CLIC5: variants seen among roughly 807,000 people sequenced by gnomAD.
The protein encoded by CLIC5 is chloride intracellular channel protein 5.
A neutral mutation model predicts 24.7 loss-of-function variants in CLIC5; 20 were observed. The ratio of observed to expected loss-of-function variants is 0.81; its 90% CI spans 0.57 to 1.18. The LOEUF is 1.18. Ranked by LOEUF, CLIC5 falls within the 50% of genes most tolerant of loss-of-function variation. CLIC5 has a pLI of 0.00. For missense variants in CLIC5, 341 were observed against 326.1 expected (o/e 1.05, Z -0.35); for synonymous variants, 159 against 135.6 (o/e 1.17, Z -1.20).
At chr6:46,007,362 C>A (rs772089483) in intron 1 of CLIC5, among the ~76,000 whole-genome samples, 10 of 152,224 alleles carry the variant, frequency 6.6e-5, no homozygotes, top group Non-Finnish European at 1.2e-4. Context: ...TGGACACTAA[C>A]CTTTCCAGGG....
Position 45,902,658 on chromosome 6 carries a change from G to A in CLIC5, c.*430C>T. On this transcript the variant is annotated 3_prime_UTR_variant, in exon 6 of 6. Transcript: ENST00000339561. Reference sequence around the variant, plus strand: ...AATGGGGTAATAGATCTCTTTCTAAGAAGGATGAAGATGGCGTTTGTCCTT... The same window carrying A: ...AATGGGGTAATAGATCTCTTTCTAAAAAGGATGAAGATGGCGTTTGTCCTT... The A allele has an allele frequency of 5.8e-6, 1 of 172,600 alleles. No individual in the cohort carries two copies. Among genetic ancestry groups the A allele is most frequent in the Admixed American group, 5.4e-5 (1 of 18,406 alleles). 10.7% of individuals were successfully genotyped at this position (172,600 alleles called of 1,614,324 possible). A position where few individuals can be genotyped will look rare whatever the true frequency, so the allele number is the denominator to read the frequency against.
chr6:46,040,538 G>A (rs1386079430), intron 1 of CLIC5, among the ~76,000 whole-genome samples: 1 of 151,972 alleles, frequency 6.6e-6, no homozygotes, highest in Non-Finnish European at 1.5e-5. Context: ...TGATGTGGTA[G>A]AGGTTGCATT....
chr6:46,073,224 A>G (rs1029301338), intron 1 of CLIC5, among the ~76,000 whole-genome samples: 3 of 152,216 alleles, frequency 2.0e-5, no homozygotes, highest in Non-Finnish European at 4.4e-5. Flanking sequence ...GAGTCCAGCC[A>G]GGCTATCTCA....
At chr6:45,938,853 A>T (rs1011000209) in intron 4 of CLIC5, among the ~76,000 whole-genome samples, 1 of 152,128 alleles carries the variant, frequency 6.6e-6, no homozygotes, top group East Asian at 1.9e-4. Context: ...CTGGGTGTGG[A>T]GTCTGAAAAC....
rs528729201 is a variant in CLIC5 at position 45,902,855 on chromosome 6, G to A, written c.*233C>T. On this transcript the variant is annotated 3_prime_UTR_variant, in exon 6 of 6. Transcript: ENST00000339561. ...ATGCTGAGCCCAGATCAGGCTGGCC[G>A]GCCGAAAGGTGGACTGTGTCTATCA... is the stretch of plus-strand genomic sequence containing the variant. The A allele has an allele frequency of 1.7e-5, 9 of 529,588 alleles. No homozygotes were observed. Among genetic ancestry groups the A allele is most frequent in the South Asian group, 6.9e-5 (3 of 43,334 alleles). The allele number at this position is 529,588 out of a possible 1,614,324, so 32.8% of individuals were successfully genotyped here.
intron 1 of CLIC5, among the ~76,000 whole-genome samples, chr6:46,046,497 G>A (rs757760284): frequency 3.9e-5 from 6 of 152,188 alleles, no homozygotes; most frequent in Non-Finnish European, 7.3e-5. Flanking sequence ...ACCTGGTACT[G>A]CCTTTTCTGA....
intron 1 of CLIC5, among the ~76,000 whole-genome samples, chr6:45,983,100 C>T (rs184342192): frequency 6.6e-6 from 1 of 152,262 alleles, no homozygotes; most frequent in Admixed American, 6.5e-5. Context: ...GGTGGGCTTC[C>T]TTGTAACGTA....
At chr6:46,107,616 T>A in the CLIC5 span, among the ~76,000 whole-genome samples, 6 of 152,216 alleles carry the variant, frequency 3.9e-5, no homozygotes, top group African/African-American at 1.4e-4. Flanking sequence ...GGAAGTATTT[T>A]CGGTTTAAAA....
intron 4 of CLIC5, among the ~76,000 whole-genome samples, chr6:45,941,298 C>A (rs1435362153): frequency 6.6e-6 from 1 of 152,182 alleles, no homozygotes; most frequent in Admixed American, 6.5e-5. Context: ...GAGCATCCCT[C>A]TCTCCAGCTT....
intron 1 of CLIC5, among the ~76,000 whole-genome samples, chr6:46,057,176 AC>A (rs1360173987): frequency 2.0e-5 from 3 of 152,238 alleles, no homozygotes; most frequent in African/African-American, 7.2e-5. Context: ...GTGTCCTCAC[AC>A]AAATCTCAAC....
intron 1 of CLIC5, among the ~76,000 whole-genome samples, chr6:46,075,422 A>G (rs1200385282): frequency 6.6e-6 from 1 of 151,880 alleles, no homozygotes; most frequent in Non-Finnish European, 1.5e-5. Context: ...CAAACAAACA[A>G]ACAAAAAATT....
At position 45,972,031 on chromosome 6, in the gene CLIC5, C is replaced by T. The variant is rs369997469; in HGVS notation, c.64-16787G>A. Among the ~76,000 whole-genome samples, 59 of 152,176 alleles carry T rather than the reference C, an allele frequency of 3.9e-4. 2 individuals are homozygous for T. The South Asian group carries it at 0.012, about 31-fold the overall frequency. On this transcript the variant is annotated intron_variant, in intron 1 of 5. Coordinates refer to ENST00000339561, the MANE Select transcript of CLIC5 (RefSeq NM_016929.5). Reference sequence around the variant, plus strand: ...GCCAGACACATTTACTCTAGTTGTTCAAAATGTAGCCTGCATGAAAAGACC... The same window carrying T: ...GCCAGACACATTTACTCTAGTTGTTTAAAATGTAGCCTGCATGAAAAGACC...
chr6:46,076,781 C>T (rs1474304342), intron 1 of CLIC5, among the ~76,000 whole-genome samples: 1 of 152,062 alleles, frequency 6.6e-6, no homozygotes, highest in Non-Finnish European at 1.5e-5. Flanking sequence ...TCACCATTAG[C>T]CCTATTTTAT....
At chr6:45,884,360 C>A (rs767009710) in intron 6 of CLIC5, among the ~76,000 whole-genome samples, 1 of 152,114 alleles carries the variant, frequency 6.6e-6, no homozygotes, top group African/African-American at 2.4e-5. Context: ...AGAGGAGAAA[C>A]CAGATGCAGG....
rs949195541 is a variant in CLIC5, at chr6:46,079,962, G to C, written c.281C>G (p.Ala94Gly). ...GTCCTCCTGGGGCTCACCTGGATGA[G>C]CCTCCTGGAGTTCAGAGTATATCTC... Residue 94 changes from alanine to glycine, a missense_variant, in exon 1 of 6, where the codon GCT becomes GGT. Transcript: ENST00000185206. 5 of 1,551,580 alleles carry C rather than the reference G, an allele frequency of 3.2e-6. No individual in the cohort carries two copies. The African/African-American group carries it at 5.5e-5, about 17-fold the overall frequency.
chr6:46,085,242 G>A (rs1763006934), upstream of CLIC5, among the ~76,000 whole-genome samples: 1 of 152,178 alleles, frequency 6.6e-6, no homozygotes, highest in African/African-American at 2.4e-5. Context: ...GCTCGGAGTA[G>A]TTTGATCGTC....
chr6:45,958,238 G>A (rs6927582), intron 1 of CLIC5, among the ~76,000 whole-genome samples: 127,123 of 151,088 alleles, frequency 0.84, 54,089 homozygotes, highest in Non-Finnish European at 0.9. Flanking sequence ...GCCAACGAAC[G>A]CCAAGGATTG....
chr6:45,932,993 A>G (rs1050442293), intron 4 of CLIC5, among the ~76,000 whole-genome samples: 23 of 152,208 alleles, frequency 1.5e-4, no homozygotes, highest in African/African-American at 5.1e-4. Context: ...ATGATCATCC[A>G]AATTCTGAGA....
intron 1 of CLIC5, among the ~76,000 whole-genome samples, chr6:46,035,027 T>C (rs1040172857): frequency 6.6e-6 from 1 of 152,246 alleles, no homozygotes; most frequent in East Asian, 1.9e-4. Flanking sequence ...TGATTCAAAA[T>C]AGGTGCCTGA....
Sources: gnomAD v4.1 joint callset for allele counts (sites outside exome capture counted in the v4.1 genomes callset) on GRCh38, gnomAD v4.1.1 for gene constraint, MANE v1.5 for transcripts, NCBI Gene and HGNC (gene_info 2026-07-23, HGNC 2026-07-21) for gene names.